Variants in UGT1A10 observed in about 807,000 individuals in gnomAD.
The protein encoded by UGT1A10 is UDP glucuronosyltransferase family 1 member A10, also known as UDP-glucuronosyltransferase 1A10.
UGT1A10 carries 49 observed loss-of-function variants against 45.8 expected under a neutral mutation model. The ratio of observed to expected loss-of-function variants is 1.07; its 90% CI spans 0.85 to 1.36. UGT1A10 has a LOEUF of 1.36. Ranked by LOEUF, UGT1A10 falls within the 40% of genes most tolerant of loss-of-function variation. The pLI is 0.00. For missense variants in UGT1A10, 745 were observed against 668.6 expected, an observed-to-expected ratio of 1.11 and a Z score of -1.26; for synonymous variants, 284 against 249.7, an observed-to-expected ratio of 1.14 and a Z score of -1.29.
Position 233,734,706 on chromosome 2 carries a change from A to G in UGT1A10, c.856-32328A>G, listed in dbSNP as rs368011286. 3.0e-4 allele frequency among the ~76,000 whole-genome samples: 45 copies of G among 151,692 alleles called. No individual in the cohort carries two copies. In the South Asian group the frequency reaches 8.6e-3, roughly 29 times the overall value. Reference sequence around the variant, plus strand: ...TTAAATGTGTCCCAGAGATTCTGGTATGTTGTGTCTTTGTTCTCGTCGGTT... The same window carrying G: ...TTAAATGTGTCCCAGAGATTCTGGTGTGTTGTGTCTTTGTTCTCGTCGGTT... On this transcript the variant is annotated intron_variant, in intron 1 of 4. Coordinates refer to ENST00000344644, the MANE Select transcript of UGT1A10 (RefSeq NM_019075.4).
chr2:233,688,618 A>T (rs183545370), intron 1 of UGT1A10, among the ~76,000 whole-genome samples: 49 of 152,324 alleles, frequency 3.2e-4, no homozygotes, highest in Admixed American at 2.9e-3. Context: ...CTCAGCAAAC[A>T]TGAGTTCGTC....
At chr2:233,731,557 A>C (rs2078177814) in intron 1 of UGT1A10, among the ~76,000 whole-genome samples, 1 of 152,126 alleles carries the variant, frequency 6.6e-6, no homozygotes, top group Non-Finnish European at 1.5e-5. Context: ...TCCATGTGAT[A>C]GTTTGCTGAG....
chr2:233,772,145 G>A, intron 4 of UGT1A10, 117 bp from the exon 5 acceptor site: 1 of 1,552,040 alleles, frequency 6.4e-7, no homozygotes, highest in Non-Finnish European at 8.7e-7. Flanking sequence ...AATAGAAACA[G>A]GTTTCCTTTC....
chr2:233,772,784 A>G lies in UGT1A10; in HGVS notation c.*225A>G. ...CGTGCCCCCTCTGGTGTCTTTGATCAGGATGACATGTGCCATTTTTCAGAG... is the reference window on the plus strand; with the variant it reads ...CGTGCCCCCTCTGGTGTCTTTGATCGGGATGACATGTGCCATTTTTCAGAG... On this transcript the variant is annotated 3_prime_UTR_variant, in exon 5 of 5. Transcript: ENST00000344644. 1 of 1,271,314 alleles carries G rather than the reference A, an allele frequency of 7.9e-7. No homozygotes were observed. Among genetic ancestry groups the G allele is most frequent in the Non-Finnish European group, 1.0e-6 (1 of 961,544 alleles). 78.8% of individuals were successfully genotyped at this position (1,271,314 alleles called of 1,614,324 possible).
rs570830637 is a variant in UGT1A10 at position 233,672,193 on chromosome 2, G to C, written c.855+34816G>C. 3 of 1,614,186 alleles carry C rather than the reference G, an allele frequency of 1.9e-6. No individual in the cohort carries two copies. In the South Asian group the frequency reaches 3.3e-5, roughly 18 times the overall value. On this transcript the variant is annotated intron_variant, in intron 1 of 4. Transcript: ENST00000344644. ...AACTTCATATACCCTGGAGGATCTGGACCGGGAGTTCAAGGCTTTTGCCCA... is the reference window on the plus strand; with the variant it reads ...AACTTCATATACCCTGGAGGATCTGCACCGGGAGTTCAAGGCTTTTGCCCA...
intron 1 of UGT1A10, among the ~76,000 whole-genome samples, chr2:233,763,526 CCT>C (rs1427600025): frequency 1.3e-5 from 2 of 152,212 alleles, no homozygotes; most frequent in Non-Finnish European, 2.9e-5. Context: ...TTGCCATTCT[CCT>C]TTTTCCGGAT....
chr2:233,681,597 C>T (rs28946877), intron 1 of UGT1A10, among the ~76,000 whole-genome samples: 28,138 of 150,000 alleles, frequency 0.19, 2,810 homozygotes, highest in Non-Finnish European at 0.23. Flanking sequence ...TTATTAGCTT[C>T]GTTCAAATTT....
Position 233,752,817 on chromosome 2 carries a change from T to G in UGT1A10, c.856-14217T>G, listed in dbSNP as rs569255624. On this transcript the variant is annotated intron_variant, in intron 1 of 4. Transcript: ENST00000344644. ...CTTCTGTAGAAGGAACACTTCCCAT[T>G]TATGACATCAGTAATCTAGGATATA... Among the ~76,000 whole-genome samples the G allele has an allele frequency of 2.6e-5, 4 of 152,306 alleles. No individual in the cohort carries two copies. The East Asian group carries it at 7.7e-4, about 29-fold the overall frequency.
rs142524718 is a variant in UGT1A10 at position 233,712,496 on chromosome 2, C to G, written c.856-54538C>G. 2.0e-5 allele frequency among the ~76,000 whole-genome samples: 3 copies of G among 152,274 alleles called. No individual in the cohort carries two copies. The East Asian group carries it at 5.8e-4, about 29-fold the overall frequency. On this transcript the variant is annotated intron_variant, in intron 1 of 4. Coordinates refer to ENST00000344644, the MANE Select transcript of UGT1A10 (RefSeq NM_019075.4). ...CCCTGTTTAAAGAAAGCTGGCTTAG[C>G]AATGTTGTCTGCATTTTGGATGTGC... is the stretch of plus-strand genomic sequence containing the variant.
chr2:233,713,194 A>T, intron 1 of UGT1A10: 1 of 1,614,210 alleles, frequency 6.2e-7, no homozygotes. Context: ...GTGAATATGT[A>T]CATCAAAGAA....
At position 233,723,536 on chromosome 2, in the gene UGT1A10, T is replaced by TTTA. The variant is rs1553611580; in HGVS notation, c.856-43498_856-43497insTTA. Among the ~76,000 whole-genome samples, 173 of 121,466 alleles carry TTTA rather than the reference T, an allele frequency of 1.4e-3. 3 individuals carry two copies. Among genetic ancestry groups the TTTA allele is most frequent in the African/African-American group, 3.3e-3 (98 of 29,940 alleles). 79.7% of individuals were successfully genotyped at this position (121,466 alleles called of 152,430 possible). A position where few individuals can be genotyped will look rare whatever the true frequency, so the allele number is the denominator to read the frequency against. On this transcript the variant is annotated intron_variant, in intron 1 of 4. Transcript: ENST00000344644. Reference sequence around the variant, plus strand: ...ACAATCTTTTTTTTTTTTTTTTTTTTAATTTATTTTTTTATTGATAATTCT... The same window carrying TTTA: ...ACAATCTTTTTTTTTTTTTTTTTTTTTTAAATTTATTTTTTTATTGATAATTCT...
At chr2:233,704,135 C>T (rs2075769183) in intron 1 of UGT1A10, among the ~76,000 whole-genome samples, 1 of 152,108 alleles carries the variant, frequency 6.6e-6, no homozygotes, top group Non-Finnish European at 1.5e-5. Flanking sequence ...AAGTGATCCA[C>T]CCGCCTCAGC....
In UGT1A10 at chr2:233,769,812, GC is replaced by G; in HGVS notation, c.1295+1375del. The G allele has an allele frequency of 1.0e-6, 1 of 971,458 alleles. No individual in the cohort carries two copies. Among genetic ancestry groups the G allele is most frequent in the African/African-American group, 1.7e-5 (1 of 59,662 alleles). The allele number at this position is 971,458 out of a possible 1,614,324, so 60.2% of individuals were successfully genotyped here. A position where few individuals can be genotyped will look rare whatever the true frequency, so the allele number is the denominator to read the frequency against. On this transcript the variant is annotated intron_variant, in intron 4 of 4. Coordinates refer to ENST00000344644, the MANE Select transcript of UGT1A10 (RefSeq NM_019075.4). This position sits in a 1 kb window ranked among gnomAD's most constrained non-coding sequence, Gnocchi z 4.4. The stretch of plus-strand genomic sequence containing the variant: ...GGAGGCTGCTATGAGCCGTGATCAT[GC>G]CACTGCACTCCAGCAACCTGGGCAA...
chr2:233,661,635 C>CT (rs200886254), intron 1 of UGT1A10, among the ~76,000 whole-genome samples: 113 of 82,780 alleles, frequency 1.4e-3, no homozygotes, highest in Middle Eastern at 7.1e-3. Context: ...TTCTTTCTTT[C>CT]TTTCTTTCTT....
At chr2:233,694,063 AG>A (rs2075198328) in intron 1 of UGT1A10, among the ~76,000 whole-genome samples, 1 of 152,226 alleles carries the variant, frequency 6.6e-6, no homozygotes. Context: ...GGATGAAGAC[AG>A]GGCTCATGCT....
intron 1 of UGT1A10, among the ~76,000 whole-genome samples, chr2:233,644,744 G>C (rs2073554523): frequency 6.6e-6 from 1 of 152,078 alleles, no homozygotes; most frequent in African/African-American, 2.4e-5. Flanking sequence ...TGGGTTCAGG[G>C]GGTTGGGTGA....
intron 1 of UGT1A10, among the ~76,000 whole-genome samples, chr2:233,720,012 A>G (rs1319235409): frequency 1.3e-5 from 2 of 152,206 alleles, no homozygotes; most frequent in East Asian, 1.9e-4. Context: ...GAACTGATCC[A>G]TCCTGGGGTT....
At chr2:233,735,312 T>C (rs924133662) in intron 1 of UGT1A10, among the ~76,000 whole-genome samples, 9 of 152,172 alleles carry the variant, frequency 5.9e-5, no homozygotes, top group Admixed American at 1.3e-4. Context: ...GTCTGTTTTA[T>C]CAGAGACTAG....
intron 1 of UGT1A10, chr2:233,713,305 ATCT>A (rs761507156): frequency 1.2e-6 from 2 of 1,614,274 alleles, no homozygotes; most frequent in Non-Finnish European, 1.7e-6. Flanking sequence ...GAAACAGAAC[ATCT>A]TCTGATGAAA....
Sources: allele counts gnomAD v4.1 joint callset (sites outside exome capture counted in the v4.1 genomes callset), GRCh38; gene constraint gnomAD v4.1.1; non-coding constraint Gnocchi (gnomAD v3.1); transcripts MANE v1.5; gene names NCBI Gene and HGNC (gene_info 2026-07-23, HGNC 2026-07-21).